Variants in VPS13D observed in about 807,000 individuals in gnomAD.
VPS13D encodes the protein vacuolar protein sorting 13 homolog D.
Under a neutral mutation model 461.9 loss-of-function variants are expected in VPS13D, and 187 were observed. That is an observed-to-expected ratio of 0.40 (90% CI 0.36 to 0.46). The LOEUF is 0.46. Among genes scored for constraint, VPS13D ranks in the 20% least tolerant of loss-of-function variants. The pLI, the probability that VPS13D is intolerant of heterozygous loss-of-function variation, is 0.60. For synonymous variants in VPS13D, 1,951 were observed against 1,986.3 expected, an observed-to-expected ratio of 0.98 and a Z score of 0.47; for missense variants, 4,711 against 5,364.9, an observed-to-expected ratio of 0.88 and a Z score of 3.81.
intron 3 of VPS13D, 149 bp from the exon 4 acceptor site, chr1:12,244,097 A>G (rs1640470084): frequency 1.4e-6 from 1 of 722,626 alleles, no homozygotes; most frequent in East Asian, 2.8e-5. Flanking sequence ...CTTGTTTCAC[A>G]TGTGCAAGAG....
intron 35 of VPS13D, among the ~76,000 whole-genome samples, chr1:12,324,673 C>T (rs72866671): frequency 0.037 from 5,618 of 152,288 alleles, 204 homozygotes; most frequent in African/African-American, 0.091. Flanking sequence ...AAGTAAATGA[C>T]TATATGCAAA....
chr1:12,288,347 C>A, intron 22 of VPS13D, 34 bp downstream of exon 22: 1 of 1,578,272 alleles, frequency 6.3e-7, no homozygotes, highest in Non-Finnish European at 8.7e-7. Flanking sequence ...AGCAAACTTG[C>A]AAAATCTGGT....
At chr1:12,367,380 A>C (rs1395717556) in intron 52 of VPS13D, among the ~76,000 whole-genome samples, 1 of 152,104 alleles carries the variant, frequency 6.6e-6, no homozygotes, top group Non-Finnish European at 1.5e-5. Flanking sequence ...TCACCTGGTT[A>C]AGGTGGTATC....
chr1:12,297,204 C>T (rs1390217911), intron 24 of VPS13D, among the ~76,000 whole-genome samples: 14 of 152,092 alleles, frequency 9.2e-5, no homozygotes, highest in Non-Finnish European at 4.4e-5. Context: ...GTTTTTATTC[C>T]TACATTTTCT....
Position 12,327,648 on chromosome 1 carries a change from G to A in VPS13D, c.7991G>A (p.Gly2664Asp). The change falls in exon 36 of 70, where the codon GGC becomes GAC. Residue 2664 changes from glycine to aspartate, a missense_variant and splice_region_variant. Gly to Asp is a moderately conservative substitution (Grantham distance 94, BLOSUM62 -1). Transcript: ENST00000620676. ...TGATCACTTCTTAATTTCTTTGAAG[G>A]CCAATTGAAAAAGGCAGCAAGTTGG... is the stretch of plus-strand genomic sequence containing the variant. ...DCRKALLACQGQLKKAASWLF... is the reference protein window; with the variant it reads ...DCRKALLACQDQLKKAASWLF... 1.2e-6 allele frequency: 2 copies of A among 1,613,886 alleles called. No homozygotes were observed. The highest frequency in any genetic ancestry group is 1.7e-6 in the Non-Finnish European group (2 of 1,179,938).
chr1:12,484,848 T>C (rs1645775954), intron 67 of VPS13D, among the ~76,000 whole-genome samples: 1 of 152,104 alleles, frequency 6.6e-6, no homozygotes, highest in African/African-American at 2.4e-5. Flanking sequence ...TTTTTTCTAA[T>C]ATGGAGCCTC....
At chr1:12,462,876 G>T (rs1221234573) in intron 67 of VPS13D, among the ~76,000 whole-genome samples, 1 of 152,098 alleles carries the variant, frequency 6.6e-6, no homozygotes, top group Non-Finnish European at 1.5e-5. Context: ...CCTCATGAAG[G>T]CACTGGGGAG....
intron 6 of VPS13D, among the ~76,000 whole-genome samples, chr1:12,250,037 G>T (rs1426999849): frequency 6.6e-6 from 1 of 152,154 alleles, no homozygotes; most frequent in Non-Finnish European, 1.5e-5. Context: ...CCCTCCTCAG[G>T]TTTGGTAATT....
intron 29 of VPS13D, among the ~76,000 whole-genome samples, chr1:12,313,168 C>G (rs1642801055): frequency 6.6e-6 from 1 of 152,164 alleles, no homozygotes; most frequent in Admixed American, 6.5e-5. Context: ...TGCTGAAGCA[C>G]TCTGTCTTCT....
rs1391810389 is a variant in VPS13D at position 12,268,753 on chromosome 1, C to T, written c.1849C>T (p.Pro617Ser). The change falls in exon 16 of 70, where the codon CCG becomes TCG. Residue 617 changes from proline (P) to serine (S), a missense_variant. Around this residue, in one of 3 missense-constraint regions of VPS13D, gnomAD observed 4,411 missense variants for 4,937.8 expected, o/e 0.89. Transcript: ENST00000620676. Reference sequence around the variant, plus strand: ...TTTTGAGATGCTGTATGAGAGAAATCCGGCGCACAGCCACTTTGAGAGGCG... The same window carrying T: ...TTTTGAGATGCTGTATGAGAGAAATTCGGCGCACAGCCACTTTGAGAGGCG... ...PVFEMLYERN[P>S]AHSHFERRLN... 1 of 1,614,020 alleles carries T rather than the reference C, an allele frequency of 6.2e-7. No homozygotes were observed. Among genetic ancestry groups the T allele is most frequent in the South Asian group, 1.1e-5 (1 of 91,062 alleles).
chr1:12,382,931 G>T, intron 57 of VPS13D, 45 bp from the exon 58 acceptor site: 1 of 1,564,598 alleles, frequency 6.4e-7, no homozygotes, highest in South Asian at 1.2e-5. Flanking sequence ...GTCAAAGTCA[G>T]TGCCTCTGTC....
intron 67 of VPS13D, among the ~76,000 whole-genome samples, chr1:12,463,744 C>T (rs1645443341): frequency 6.6e-6 from 1 of 151,634 alleles, no homozygotes; most frequent in South Asian, 2.1e-4. Flanking sequence ...AACAGTGAGA[C>T]CCTGTCAAAC....
chr1:12,305,342 A>G (rs1642532201), intron 26 of VPS13D, among the ~76,000 whole-genome samples: 1 of 151,758 alleles, frequency 6.6e-6, no homozygotes, highest in Non-Finnish European at 1.5e-5. Flanking sequence ...TGTTGTGATG[A>G]TGGCTTACTG....
intron 37 of VPS13D, among the ~76,000 whole-genome samples, chr1:12,331,993 A>G (rs1643345176): frequency 6.6e-6 from 1 of 152,194 alleles, no homozygotes; most frequent in Non-Finnish European, 1.5e-5. Context: ...TGAAAAGTTG[A>G]GTCTTTTAAG....
At chr1:12,467,171 T>C (rs1200065693) in intron 67 of VPS13D, among the ~76,000 whole-genome samples, 2 of 152,022 alleles carry the variant, frequency 1.3e-5, no homozygotes, top group Admixed American at 1.3e-4. Context: ...GGATCGGATA[T>C]TTTATTTTAT....
Position 12,277,525 on chromosome 1 carries a change from A to G in VPS13D, c.3937A>G (p.Asn1313Asp). 1 of 1,614,108 alleles carries G rather than the reference A, an allele frequency of 6.2e-7. No individual in the cohort carries two copies. ...LTLSMDELEE[N>D]FRGMLKSAAT... ...GTTATCCATGGATGAACTGGAAGAA[A>G]ATTTTCGAGGTATGCTGAAAAGCGC... is the stretch of plus-strand genomic sequence containing the variant. The change falls in exon 19 of 70, where the codon AAT becomes GAT. Residue 1313 changes from asparagine to aspartate, a missense_variant. Asn to Asp is a conservative substitution (Grantham distance 23). Transcript: ENST00000620676.
intron 65 of VPS13D, among the ~76,000 whole-genome samples, chr1:12,424,212 T>G (rs529995064): frequency 8.5e-5 from 13 of 152,336 alleles, no homozygotes; most frequent in Middle Eastern, 3.4e-3. Flanking sequence ...CAAAAAGACT[T>G]TGATCCTAAA....
chr1:12,282,815 T>C lies in VPS13D; in HGVS notation c.4713T>C (p.Pro1571=). 6.2e-7 allele frequency: 1 copy of C among 1,614,202 alleles called. No homozygotes were observed. Among genetic ancestry groups the C allele is most frequent in the Non-Finnish European group, 8.5e-7 (1 of 1,180,028 alleles). Residue 1571 remains proline (P), a synonymous_variant, in exon 21 of 70, where the codon CCT becomes CCC. Coordinates refer to ENST00000620676, the MANE Select transcript of VPS13D (RefSeq NM_015378.4). The stretch of plus-strand genomic sequence containing the variant: ...CCAGTGCTACCTCCTCCCCTTGCCC[T>C]GATTCTCCTCTGCCTCCCCTCAGTA... The part of the protein sequence containing the change: ...YPASATSSPC[P]DSPLPPLSTC...
At chr1:12,322,220 C>T (rs1034087992) in intron 33 of VPS13D, among the ~76,000 whole-genome samples, 4 of 152,112 alleles carry the variant, frequency 2.6e-5, no homozygotes, top group South Asian at 4.1e-4. Flanking sequence ...GGCCTGCCAC[C>T]GTGCCCGGCT....
Sources: allele counts gnomAD v4.1 joint callset (sites outside exome capture counted in the v4.1 genomes callset), GRCh38; gene constraint gnomAD v4.1.1; regional missense constraint gnomAD v4.1.1; transcripts MANE v1.5; gene names NCBI Gene and HGNC (gene_info 2026-07-23, HGNC 2026-07-21).